The following NRXN3 variants were observed in gnomAD, a reference collection of about 807,000 sequenced individuals.
The protein encoded by NRXN3 is neurexin III.
Under a neutral mutation model 137.6 loss-of-function variants are expected in NRXN3, and 32 were observed. The ratio of observed to expected loss-of-function variants is 0.23; its 90% CI spans 0.18 to 0.31. The LOEUF is 0.31. NRXN3 is among the 10% of genes least tolerant of loss of function. The probability of loss-of-function intolerance (pLI) is 1.00; values close to 1 mark genes in which losing one functional copy is unlikely to be tolerated. For synonymous variants in NRXN3, 798 were observed against 784.5 expected (o/e 1.02, Z -0.29); for missense variants, 1,574 against 2,062.5 (o/e 0.76, Z 4.59).
intron 17 of NRXN3, among the ~76,000 whole-genome samples, chr14:79,679,450 G>A (rs1037455435): frequency 1.3e-5 from 2 of 152,092 alleles, no homozygotes; most frequent in Non-Finnish European, 2.9e-5. Flanking sequence ...TGTCTCAAAT[G>A]TTATAAAGGT....
chr14:79,229,955 T>TA (rs2071836632), intron 15 of NRXN3, among the ~76,000 whole-genome samples: 1 of 152,062 alleles, frequency 6.6e-6, no homozygotes, highest in African/African-American at 2.4e-5. Context: ...ATGGACCCTG[T>TA]GAGGAAACAT....
At chr14:78,721,849 T>G (rs116285573) in intron 8 of NRXN3, among the ~76,000 whole-genome samples, 2,832 of 152,244 alleles carry the variant, frequency 0.019, 31 homozygotes, top group Non-Finnish European at 0.026. Flanking sequence ...CTCCTTTTTT[T>G]TTTGTTTGTT....
At chr14:79,750,286 A>AT (rs2098993201) in intron 19 of NRXN3, among the ~76,000 whole-genome samples, 2 of 152,178 alleles carry the variant, frequency 1.3e-5, no homozygotes, top group East Asian at 1.9e-4. Flanking sequence ...ATTTATTTCT[A>AT]TTTTTTTATC....
chr14:78,212,581 C>G (rs912536615), intron 1 of NRXN3, among the ~76,000 whole-genome samples: 1 of 152,144 alleles, frequency 6.6e-6, no homozygotes, highest in Non-Finnish European at 1.5e-5. Context: ...AAATAAAGAT[C>G]AAATTTGCCA....
At chr14:79,053,067 C>G (rs2099644278) in intron 15 of NRXN3, among the ~76,000 whole-genome samples, 1 of 152,190 alleles carries the variant, frequency 6.6e-6, no homozygotes, top group African/African-American at 2.4e-5. Flanking sequence ...TAAAACTCAT[C>G]ATGTTGCCAC....
At chr14:78,513,674 G>C (rs1479766401) in intron 4 of NRXN3, among the ~76,000 whole-genome samples, 1 of 152,068 alleles carries the variant, frequency 6.6e-6, no homozygotes, top group Non-Finnish European at 1.5e-5. Context: ...CAAGTATTTT[G>C]GAATGAGATT....
intron 4 of NRXN3, among the ~76,000 whole-genome samples, chr14:78,328,985 G>T (rs1172582568): frequency 1.3e-5 from 2 of 152,134 alleles, no homozygotes; most frequent in Non-Finnish European, 2.9e-5. Flanking sequence ...AAAAAAACCA[G>T]ATCTTTTTGT....
In NRXN3 at chr14:78,918,294, AAAAAAAAAAAAAAG is replaced by A. The variant is rs944802548; in HGVS notation, c.2276-38946_2276-38933del. ...GAGCGAAACTCCATCTCAAAAAAAAAAAAAAAAAAAAAAGAGAGAGAGAGAGAAAAGAAATATCT... is the reference window on the plus strand; with the variant it reads ...GAGCGAAACTCCATCTCAAAAAAAAAAGAGAGAGAGAGAAAAGAAATATCT... On this transcript the variant is annotated intron_variant, in intron 10 of 20. Transcript: ENST00000335750. 3.3e-5 allele frequency among the ~76,000 whole-genome samples: 5 copies of A among 150,270 alleles called. 1 individual carries two copies. The highest frequency in any genetic ancestry group is 1.2e-4 in the African/African-American group (5 of 40,558).
chr14:78,842,546 G>A (rs555766444), intron 10 of NRXN3, among the ~76,000 whole-genome samples: 7 of 152,118 alleles, frequency 4.6e-5, no homozygotes, highest in Non-Finnish European at 8.8e-5. Flanking sequence ...AATTGCTAAT[G>A]AAGTTTCAGG....
rs1411292736 is a variant in NRXN3 at position 79,314,475 on chromosome 14, A to G, written c.3263-152746A>G. Among the ~76,000 whole-genome samples, 165 of 27,640 alleles carry G rather than the reference A, an allele frequency of 6.0e-3. 2 individuals carry two copies. Among genetic ancestry groups the G allele is most frequent in the African/African-American group, 0.023 (150 of 6,650 alleles). The allele number at this position is 27,640 out of a possible 152,430, so 18.1% of individuals were successfully genotyped here. ...TCTGAGATCAAACTGCAAGGCGGCA[A>G]CGAGGCTGGGGGAGGGGCGCCCGCC... On this transcript the variant is annotated intron_variant, in intron 15 of 20. Coordinates refer to ENST00000335750, the MANE Select transcript of NRXN3 (RefSeq NM_001330195.2).
chr14:79,866,984 G>A lies in NRXN3; in HGVS notation c.*5020G>A, dbSNP rs1483007964. The A allele has an allele frequency of 1.3e-5, 2 of 152,168 alleles. No homozygotes were observed. Among genetic ancestry groups the A allele is most frequent in the African/African-American group, 4.8e-5 (2 of 41,436 alleles). The allele number at this position is 152,168 out of a possible 1,614,324, so 9.4% of individuals were successfully genotyped here. Reference sequence around the variant, plus strand: ...TGAAAAGATCTCTAAATATCAGTAAGGGGTTAGCTGCCATTAATAATACAA... The same window carrying A: ...TGAAAAGATCTCTAAATATCAGTAAAGGGTTAGCTGCCATTAATAATACAA... On this transcript the variant is annotated 3_prime_UTR_variant, in exon 21 of 21. Transcript: ENST00000335750.
At chr14:79,076,182 C>G (rs1236896129) in intron 15 of NRXN3, among the ~76,000 whole-genome samples, 1 of 152,094 alleles carries the variant, frequency 6.6e-6, no homozygotes, top group Non-Finnish European at 1.5e-5. Flanking sequence ...ATTCCCAGCT[C>G]TTGATTCTCA....
At chr14:79,063,338 C>G (rs899457441) in intron 15 of NRXN3, among the ~76,000 whole-genome samples, 8 of 152,036 alleles carry the variant, frequency 5.3e-5, no homozygotes, top group Non-Finnish European at 1.0e-4. Flanking sequence ...GGCTGGAGTC[C>G]AATGGCATGA....
At chr14:79,083,711 T>C (rs1277253078) in intron 15 of NRXN3, among the ~76,000 whole-genome samples, 2 of 152,218 alleles carry the variant, frequency 1.3e-5, no homozygotes, top group African/African-American at 2.4e-5. Context: ...ATTTTGTGAC[T>C]GGAAAATTTC....
intron 16 of NRXN3, among the ~76,000 whole-genome samples, chr14:79,500,110 TC>T (rs1390213832): frequency 6.6e-6 from 1 of 152,102 alleles, no homozygotes; most frequent in Non-Finnish European, 1.5e-5. Flanking sequence ...GAAAGGTGCT[TC>T]TGTTTCTGTT....
At chr14:79,132,493 G>A (rs780937561) in intron 15 of NRXN3, among the ~76,000 whole-genome samples, 6 of 152,104 alleles carry the variant, frequency 3.9e-5, no homozygotes, top group Admixed American at 1.3e-4. Context: ...ATTGGGTTAA[G>A]TTAAATATAT....
chr14:78,417,806 G>A (rs576015201), intron 4 of NRXN3, among the ~76,000 whole-genome samples: 2 of 152,270 alleles, frequency 1.3e-5, no homozygotes, highest in African/African-American at 4.8e-5. Flanking sequence ...CCCCAGGCTG[G>A]AGTGCAATGG....
chr14:78,807,035 T>C (rs1390855712), intron 9 of NRXN3, among the ~76,000 whole-genome samples: 1 of 152,210 alleles, frequency 6.6e-6, no homozygotes, highest in Non-Finnish European at 1.5e-5. Context: ...AACTGCTAGA[T>C]CAGCCTGCGT....
chr14:78,938,581 A>T (rs67018656), intron 10 of NRXN3, among the ~76,000 whole-genome samples: 9,040 of 150,870 alleles, frequency 0.06, 340 homozygotes, highest in Non-Finnish European at 0.09. Context: ...TGACATTAGG[A>T]TTTTTTTTTC....
Sources: allele counts gnomAD v4.1 joint callset (sites outside exome capture counted in the v4.1 genomes callset), GRCh38; gene constraint gnomAD v4.1.1; transcripts MANE v1.5; gene names NCBI Gene and HGNC (gene_info 2026-07-23, HGNC 2026-07-21).